ANKDD1A: variants seen among roughly 807,000 people sequenced by gnomAD.
ANKDD1A encodes ankyrin repeat and death domain-containing protein 1A.
A neutral mutation model predicts 63.5 loss-of-function variants in ANKDD1A; 59 were observed. The ratio of observed to expected loss-of-function variants is 0.93; its 90% CI spans 0.75 to 1.15. The LOEUF is 1.15. ANKDD1A is among the 50% of genes most tolerant of loss of function. ANKDD1A has a pLI of 0.00. For missense variants in ANKDD1A, 632 were observed against 656.4 expected (o/e 0.96, Z 0.41); for synonymous variants, 266 against 263.9 (o/e 1.01, Z -0.08).
At position 64,935,812 on chromosome 15, in the gene ANKDD1A, C is replaced by T. The variant is rs575429001; in HGVS notation, c.867+1578C>T. Reference sequence around the variant, plus strand: ...TGAGCCAAGATCGCTCCACTGCACTCCAGCCTGGGCAACAGAGTGAGACTG... The same window carrying T: ...TGAGCCAAGATCGCTCCACTGCACTTCAGCCTGGGCAACAGAGTGAGACTG... On this transcript the variant is annotated intron_variant, in intron 9 of 14. Transcript: ENST00000319580. Among the ~76,000 whole-genome samples, 3 of 152,228 alleles carry T rather than the reference C, an allele frequency of 2.0e-5. No homozygotes were observed. The South Asian group carries it at 6.2e-4, about 32-fold the overall frequency.
intron 6 of ANKDD1A, 98 bp from the exon 7 acceptor site, chr15:64,930,724 G>A: frequency 8.4e-7 from 1 of 1,192,392 alleles, no homozygotes; most frequent in Non-Finnish European, 1.2e-6. Flanking sequence ...CAGGAGCAGG[G>A]TGGCACTGAC....
intron 14 of ANKDD1A, among the ~76,000 whole-genome samples, chr15:64,952,453 GTTC>G (rs1487328572): frequency 2.2e-4 from 25 of 114,094 alleles, no homozygotes; most frequent in South Asian, 2.8e-4. Flanking sequence ...CTTCTTCTTA[GTTC>G]TTCTCCTTCT....
At chr15:64,922,103 C>T (rs1285487699) in intron 4 of ANKDD1A, 84 bp downstream of exon 4, 14 of 1,252,358 alleles carry the variant, frequency 1.1e-5, no homozygotes, top group Non-Finnish European at 1.6e-5. Flanking sequence ...GTCCCCCACC[C>T]CTGCTTGCCC....
rs771592880 is a variant in ANKDD1A, at chr15:64,930,841, A to G, written c.590A>G (p.His197Arg). 2 of 1,612,964 alleles carry G rather than the reference A, an allele frequency of 1.2e-6. No homozygotes were observed. The highest frequency in any genetic ancestry group is 1.7e-6 in the Non-Finnish European group (2 of 1,179,922). The change falls in exon 7 of 15, where the codon CAT becomes CGT. Residue 197 changes from histidine to arginine, a missense_variant. Coordinates refer to ENST00000319580, the MANE Select transcript of ANKDD1A (RefSeq NM_182703.6). ...VKDKEGNTAL[H>R]LAAGRGHMAV... is the part of the protein sequence containing the mutation. ...CTGCAGGAGGGGAACACTGCCCTTC[A>G]TCTGGCTGCTGGTCGGGGCCATATG...
intron 14 of ANKDD1A, among the ~76,000 whole-genome samples, chr15:64,952,422 G>C (rs1566916641): frequency 3.1e-4 from 1 of 3,196 alleles, no homozygotes; most frequent in African/African-American, 7.9e-4. Flanking sequence ...CTCCTTCTTA[G>C]TTTTCTTCTC....
chr15:64,919,750 G>C (rs1446194172), intron 3 of ANKDD1A: 1 of 152,198 alleles, frequency 6.6e-6, no homozygotes, highest in Non-Finnish European at 1.5e-5. Flanking sequence ...AAATAGAGGA[G>C]ACCTACATTA....
intron 13 of ANKDD1A, 152 bp from the exon 14 acceptor site, chr15:64,949,689 G>A (rs8035622): frequency 0.96 from 1,133,797 of 1,175,708 alleles, 549,060 homozygotes; most frequent in East Asian, 1. Context: ...GCTGAGCTTG[G>A]CTGGAGCATG....
At chr15:64,925,438 TGCTTCTAG>T (rs1409075298) in intron 4 of ANKDD1A, among the ~76,000 whole-genome samples, 1 of 152,026 alleles carries the variant, frequency 6.6e-6, no homozygotes, top group Non-Finnish European at 1.5e-5. Context: ...TCCTTCCTTT[TGCTTCTAG>T]GCCCCAGAGA....
intron 3 of ANKDD1A, among the ~76,000 whole-genome samples, chr15:64,919,520 G>A (rs182142673): frequency 8.5e-5 from 13 of 152,080 alleles, no homozygotes; most frequent in East Asian, 3.9e-4. Context: ...GGCTCTATGC[G>A]AGATCCAACA....
chr15:64,955,595 A>C (rs1453443299), intron 14 of ANKDD1A, among the ~76,000 whole-genome samples: 1 of 152,178 alleles, frequency 6.6e-6, no homozygotes, highest in African/African-American at 2.4e-5. Flanking sequence ...ATATCTGTGC[A>C]GGATAGAAAT....
intron 9 of ANKDD1A, among the ~76,000 whole-genome samples, chr15:64,935,022 C>T (rs1056997385): frequency 2.0e-5 from 3 of 151,372 alleles, no homozygotes; most frequent in Admixed American, 2.0e-4. Context: ...CTCAGGACTT[C>T]AAGACCAGCC....
In ANKDD1A at chr15:64,947,600, C is replaced by T. The variant is rs757523289; in HGVS notation, c.1351+7C>T. On this transcript the variant is annotated splice_region_variant and intron_variant, in intron 13 of 14. Transcript: ENST00000319580. ...ATCGAGCAACAGTGGACAGGTACCA[C>T]CTTGCCTCTCCTCGCCCTAAGCAAC... 6.2e-7 allele frequency: 1 copy of T among 1,613,000 alleles called. No homozygotes were observed. Among genetic ancestry groups the T allele is most frequent in the East Asian group, 2.2e-5 (1 of 44,864 alleles).
chr15:64,914,346 G>A (rs2084954385), intron 1 of ANKDD1A, among the ~76,000 whole-genome samples: 1 of 152,202 alleles, frequency 6.6e-6, no homozygotes, highest in Non-Finnish European at 1.5e-5. Context: ...GAGTGCAGAG[G>A]TGCAATTATA....
Position 64,915,692 on chromosome 15 carries a change from C to A in ANKDD1A, c.35-105C>A, listed in dbSNP as rs1049152234. The A allele has an allele frequency of 2.8e-5, 26 of 939,908 alleles. No homozygotes were observed. The African/African-American group carries it at 4.2e-4, about 15-fold the overall frequency. 58.2% of individuals were successfully genotyped at this position (939,908 alleles called of 1,614,324 possible). On this transcript the variant is annotated intron_variant, in intron 1 of 14. Coordinates refer to ENST00000319580, the MANE Select transcript of ANKDD1A (RefSeq NM_182703.6). ...TCTGCCCCTGTTCCTAGCTGAAAGA[C>A]CCCTGCTCCAGAAATGTTCAGGAGT...
intron 9 of ANKDD1A, among the ~76,000 whole-genome samples, chr15:64,936,853 T>G (rs186538156): frequency 6.6e-5 from 10 of 151,828 alleles, no homozygotes; most frequent in Non-Finnish European, 1.2e-4. Context: ...CTAAAAAAAA[T>G]TTTTTAAAAA....
intron 14 of ANKDD1A, among the ~76,000 whole-genome samples, chr15:64,954,448 TTCTTCTTCC>T (rs2085386085): frequency 7.2e-6 from 1 of 139,198 alleles, no homozygotes; most frequent in Non-Finnish European, 1.6e-5. Flanking sequence ...CTTCTCCTTC[TTCTTCTTCC>T]CTCTTCTCCT....
intron 14 of ANKDD1A, among the ~76,000 whole-genome samples, chr15:64,954,757 T>G (rs1006548692): frequency 1.5e-5 from 2 of 135,508 alleles, no homozygotes; most frequent in Non-Finnish European, 3.1e-5. Context: ...CTTCTTTCTT[T>G]TTGTTCTTCT....
chr15:64,954,276 T>G (rs1430096501), intron 14 of ANKDD1A, among the ~76,000 whole-genome samples: 2 of 147,060 alleles, frequency 1.4e-5, no homozygotes, highest in Non-Finnish European at 3.0e-5. Flanking sequence ...TTTTCCTTTC[T>G]TCTTCCTTCT....
Position 64,934,379 on chromosome 15 carries a change from A to T in ANKDD1A, c.867+145A>T, listed in dbSNP as rs1306746938. 3 of 599,668 alleles carry T rather than the reference A, an allele frequency of 5.0e-6. No individual in the cohort carries two copies. In the East Asian group the frequency reaches 9.0e-5, roughly 18 times the overall value. 37.1% of individuals were successfully genotyped at this position (599,668 alleles called of 1,614,324 possible). A position where few individuals can be genotyped will look rare whatever the true frequency, so the allele number is the denominator to read the frequency against. ...TAGGGGAGCCGGCAGCACTTAGGAGAGTGAAATACTGTTGTAGCTGTAATA... is the reference window on the plus strand; with the variant it reads ...TAGGGGAGCCGGCAGCACTTAGGAGTGTGAAATACTGTTGTAGCTGTAATA... On this transcript the variant is annotated intron_variant, in intron 9 of 14. Coordinates refer to ENST00000319580, the MANE Select transcript of ANKDD1A (RefSeq NM_182703.6).
Sources: gnomAD v4.1 joint callset for allele counts (sites outside exome capture counted in the v4.1 genomes callset) on GRCh38, gnomAD v4.1.1 for gene constraint, MANE v1.5 for transcripts, NCBI Gene and HGNC (gene_info 2026-07-23, HGNC 2026-07-21) for gene names.